Variants in ASTN2 observed in about 807,000 individuals in gnomAD.
ASTN2 encodes astrotactin 2, also known as astrotactin-2.
ASTN2 carries 54 observed loss-of-function variants against 139.8 expected under a neutral mutation model. The ratio of observed to expected loss-of-function variants is 0.39; its 90% CI spans 0.31 to 0.48. The LOEUF is 0.48. Ranked by LOEUF, ASTN2 falls within the 20% of genes least tolerant of loss-of-function variation. The pLI is 0.95. For missense variants in ASTN2, 1,565 were observed against 1,725.1 expected, an observed-to-expected ratio of 0.91 and a Z score of 1.64; for synonymous variants, 756 against 719.5, an observed-to-expected ratio of 1.05 and a Z score of -0.81.
chr9:116,768,071 G>A (rs1193298737), intron 13 of ASTN2, among the ~76,000 whole-genome samples: 1 of 152,166 alleles, frequency 6.6e-6, no homozygotes, highest in Non-Finnish European at 1.5e-5. Flanking sequence ...GCACTTAGCA[G>A]TCTAGTAGGG....
intron 13 of ASTN2, among the ~76,000 whole-genome samples, chr9:116,800,645 G>A (rs985311925): frequency 1.3e-5 from 2 of 152,146 alleles, no homozygotes; most frequent in Admixed American, 6.5e-5. Flanking sequence ...ATGCTGATAT[G>A]GGATATAAAG....
chr9:117,152,346 T>C (rs1830343246), intron 3 of ASTN2, among the ~76,000 whole-genome samples: 1 of 152,154 alleles, frequency 6.6e-6, no homozygotes, highest in Non-Finnish European at 1.5e-5. Flanking sequence ...TGTTGTCCTT[T>C]CATGTTCAAA....
At chr9:116,730,167 T>C (rs1322744140) in intron 14 of ASTN2, among the ~76,000 whole-genome samples, 2 of 152,222 alleles carry the variant, frequency 1.3e-5, no homozygotes, top group Non-Finnish European at 2.9e-5. Context: ...TTTTTATGTA[T>C]CCACACTTTC....
intron 5 of ASTN2, among the ~76,000 whole-genome samples, chr9:117,072,446 G>A (rs904298768): frequency 5.9e-5 from 9 of 152,186 alleles, no homozygotes; most frequent in African/African-American, 2.2e-4. Flanking sequence ...TTTTGGATGC[G>A]AACATCTTGC....
At chr9:116,933,435 C>T (rs893097229) in intron 10 of ASTN2, among the ~76,000 whole-genome samples, 3 of 152,084 alleles carry the variant, frequency 2.0e-5, no homozygotes, top group Non-Finnish European at 4.4e-5. Flanking sequence ...GCAGTCCCTT[C>T]CCGCAGAGAA....
chr9:117,317,274 A>G (rs1162730599), intron 1 of ASTN2, among the ~76,000 whole-genome samples: 1 of 152,002 alleles, frequency 6.6e-6, no homozygotes, highest in Admixed American at 6.6e-5. Flanking sequence ...GAAGCCTCCC[A>G]ATGCCTCTGC....
chr9:116,474,449 G>C lies in ASTN2; in HGVS notation c.3497+12910C>G, dbSNP rs1848914991. 3.3e-5 allele frequency among the ~76,000 whole-genome samples: 5 copies of C among 152,306 alleles called. No homozygotes were observed. The South Asian group carries it at 1.0e-3, about 32-fold the overall frequency. ...TCTGTCTTTGGAGGAAAGGAGAACA[G>C]AGCAGCAAGAAAAATGCCAGAAGTC... On this transcript the variant is annotated intron_variant, in intron 20 of 22. Transcript: ENST00000313400.
At chr9:117,327,578 G>T (rs1828558616) in intron 1 of ASTN2, among the ~76,000 whole-genome samples, 1 of 152,108 alleles carries the variant, frequency 6.6e-6, no homozygotes. Flanking sequence ...TAAAAAATGG[G>T]CAGCTGCTGA....
intron 10 of ASTN2, among the ~76,000 whole-genome samples, chr9:116,880,566 C>T (rs1833426906): frequency 6.6e-6 from 1 of 152,156 alleles, no homozygotes; most frequent in Non-Finnish European, 1.5e-5. Context: ...GACCTCCCAC[C>T]TCAGAACTTC....
chr9:116,836,578 TTTG>T (rs1417226858), intron 11 of ASTN2, among the ~76,000 whole-genome samples: 1 of 116,780 alleles, frequency 8.6e-6, no homozygotes, highest in Non-Finnish European at 1.7e-5. Flanking sequence ...GCAGTTTTGT[TTTG>T]TTTTGTTTTG....
chr9:117,382,698 C>T (rs1419667836), intron 1 of ASTN2, among the ~76,000 whole-genome samples: 2 of 152,134 alleles, frequency 1.3e-5, no homozygotes, highest in Non-Finnish European at 1.5e-5. Flanking sequence ...TGAGCTCAAG[C>T]CCAGGCCCAG....
intron 22 of ASTN2, among the ~76,000 whole-genome samples, chr9:116,435,637 A>G (rs894478653): frequency 6.6e-6 from 1 of 152,294 alleles, no homozygotes; most frequent in South Asian, 2.1e-4. Context: ...TTCTGATGAG[A>G]AGACTCTCTC....
chr9:116,779,679 A>C (rs534335138), intron 13 of ASTN2, among the ~76,000 whole-genome samples: 1 of 152,206 alleles, frequency 6.6e-6, no homozygotes, highest in African/African-American at 2.4e-5. Context: ...TAGTATTGCT[A>C]ATTTCCCTTC....
chr9:116,497,120 G>A (rs991862718), intron 19 of ASTN2, among the ~76,000 whole-genome samples: 3 of 152,192 alleles, frequency 2.0e-5, no homozygotes, highest in African/African-American at 7.2e-5. Flanking sequence ...GAAAGTGCAA[G>A]TGTGCATCTG....
chr9:117,188,799 G>A (rs549954072), intron 3 of ASTN2, among the ~76,000 whole-genome samples: 2 of 152,180 alleles, frequency 1.3e-5, no homozygotes, highest in Admixed American at 6.5e-5. Flanking sequence ...ATGATTCTAT[G>A]GGCTACTGAC....
At chr9:117,078,843 C>T (rs923794849) in intron 5 of ASTN2, among the ~76,000 whole-genome samples, 10 of 152,186 alleles carry the variant, frequency 6.6e-5, no homozygotes, top group Non-Finnish European at 1.5e-4. Flanking sequence ...TCAAGTGATT[C>T]TCCTGCCTCG....
In ASTN2 at chr9:116,975,327, G is replaced by A. The variant is rs760912640; in HGVS notation, c.1770C>T (p.Gly590=). The part of the protein sequence containing the change: ...EKILRSTFSL[G]QGLWLPVSKS... ...TGCTGACAGGAAGCCAGAGGCCTTGGCCCAAGCTGAAAGTAGACCTGCAAT... is the reference window on the plus strand; with the variant it reads ...TGCTGACAGGAAGCCAGAGGCCTTGACCCAAGCTGAAAGTAGACCTGCAAT... The change falls in exon 10 of 23, where the codon GGC becomes GGT. Residue 590 remains glycine, a synonymous_variant. Coordinates refer to ENST00000313400, the MANE Select transcript of ASTN2 (RefSeq NM_001365068.1). The A allele has an allele frequency of 2.5e-6, 4 of 1,611,308 alleles. No individual in the cohort carries two copies. The African/African-American group carries it at 4.0e-5, about 16-fold the overall frequency.
intron 10 of ASTN2, among the ~76,000 whole-genome samples, chr9:116,950,414 A>G (rs142312783): frequency 1.2e-3 from 179 of 152,300 alleles, no homozygotes; most frequent in African/African-American, 3.8e-3. Flanking sequence ...CAGTTAATAA[A>G]TTTGCTGCTG....
chr9:117,129,240 C>G (rs1587995565), intron 4 of ASTN2, among the ~76,000 whole-genome samples: 1 of 152,144 alleles, frequency 6.6e-6, no homozygotes, highest in Non-Finnish European at 1.5e-5. Flanking sequence ...AAATGTTCTC[C>G]TTAACCACAA....
Sources: allele counts gnomAD v4.1 joint callset (sites outside exome capture counted in the v4.1 genomes callset), GRCh38; gene constraint gnomAD v4.1.1; transcripts MANE v1.5; gene names NCBI Gene and HGNC (gene_info 2026-07-23, HGNC 2026-07-21).